ESR1: variants seen among roughly 807,000 people sequenced by gnomAD.
ESR1 encodes estrogen receptor 1.
Under a neutral mutation model 52.7 loss-of-function variants are expected in ESR1, and 12 were observed. The ratio of observed to expected loss-of-function variants is 0.23; its 90% confidence interval spans 0.15 to 0.37. The LOEUF (loss-of-function observed/expected upper bound fraction) is 0.37, where lower values mean the gene tolerates loss of function less well. Ranked by LOEUF, ESR1 falls within the 10% of genes least tolerant of loss-of-function variation. The pLI, the probability that ESR1 is intolerant of heterozygous loss-of-function variation, is 1.00. For missense variants in ESR1, 584 were observed against 779.7 expected (o/e 0.75, Z 2.99); for synonymous variants, 305 against 316.8 (o/e 0.96, Z 0.39).
intron 4 of ESR1, among the ~76,000 whole-genome samples, chr6:152,005,841 A>G (rs1249083411): frequency 6.6e-6 from 1 of 152,036 alleles, no homozygotes; most frequent in Non-Finnish European, 1.5e-5. Context: ...TGCCCTCCAG[A>G]TAATCAGAAA....
intron 2 of ESR1, among the ~76,000 whole-genome samples, chr6:151,858,413 C>T (rs551555918): frequency 7.9e-5 from 12 of 152,216 alleles, no homozygotes; most frequent in Admixed American, 2.6e-4. Flanking sequence ...TGATCTGTCA[C>T]TGATTGCAGT....
chr6:151,733,040 A>G (rs1782375092), intron 2 of ESR1, among the ~76,000 whole-genome samples: 1 of 152,200 alleles, frequency 6.6e-6, no homozygotes, highest in Non-Finnish European at 1.5e-5. Context: ...AAAAGCCCAG[A>G]TAACAGTAAC....
At chr6:151,673,575 T>C (rs1778152070) in intron 1 of ESR1, among the ~76,000 whole-genome samples, 2 of 152,146 alleles carry the variant, frequency 1.3e-5, no homozygotes, top group South Asian at 4.1e-4. Context: ...AGTTTATCAA[T>C]ATAATCTATA....
chr6:152,107,334 T>C (rs1478612996), downstream of ESR1, among the ~76,000 whole-genome samples: 2 of 152,200 alleles, frequency 1.3e-5, no homozygotes, highest in African/African-American at 4.8e-5. Context: ...TTTCTATTCA[T>C]TTATCTTCCA....
rs148828833 is a variant in ESR1, at chr6:151,698,901, C to T, written c.-201-2974C>T. On this transcript the variant is annotated intron_variant, in intron 1 of 2. Coordinates refer to the ESR1 transcript ENST00000404742. ...TGTCCGTTTGACGGTCCTATTCCTC[C>T]GGATCACTCAATCTTCACAAATCAA... 1.8e-4 allele frequency among the ~76,000 whole-genome samples: 28 copies of T among 152,238 alleles called. No individual in the cohort carries two copies. In the East Asian group the frequency reaches 5.2e-3, roughly 28 times the overall value.
At chr6:151,702,136 CA>C (rs1357470500) in intron 2 of ESR1, 1 of 152,124 alleles carries the variant, frequency 6.6e-6, no homozygotes, top group African/African-American at 2.4e-5. Flanking sequence ...TGTGTATTGT[CA>C]GGGGCTTAGC....
At chr6:151,662,598 A>G (rs1301431336) in intron 1 of ESR1, among the ~76,000 whole-genome samples, 2 of 152,162 alleles carry the variant, frequency 1.3e-5, no homozygotes, top group Non-Finnish European at 2.9e-5. Flanking sequence ...TGCACCAGCA[A>G]ATCCACAGGG....
chr6:151,701,488 C>T (rs1166347033), intron 1 of ESR1, among the ~76,000 whole-genome samples: 2 of 141,494 alleles, frequency 1.4e-5, no homozygotes, highest in East Asian at 4.2e-4. Flanking sequence ...GAGACCGCAC[C>T]GTTGCACTCC....
intron 6 of ESR1, among the ~76,000 whole-genome samples, chr6:152,069,410 G>GT (rs1393038212): frequency 1.5e-5 from 2 of 136,208 alleles, no homozygotes; most frequent in East Asian, 4.8e-4. Flanking sequence ...AACTTGAGGG[G>GT]TTTTTTTTAG....
At chr6:151,978,078 T>G (rs555478996) in intron 4 of ESR1, among the ~76,000 whole-genome samples, 1 of 151,832 alleles carries the variant, frequency 6.6e-6, no homozygotes, top group Admixed American at 6.6e-5. Context: ...TTGATTTAAA[T>G]ACATTATACA....
At chr6:152,030,141 G>T (rs1370698473) in intron 5 of ESR1, among the ~76,000 whole-genome samples, 1 of 152,124 alleles carries the variant, frequency 6.6e-6, no homozygotes, top group South Asian at 2.1e-4. Context: ...CCTGAAGGAA[G>T]CACTAAACAC....
intron 2 of ESR1, among the ~76,000 whole-genome samples, chr6:151,760,812 G>T (rs1055837210): frequency 6.6e-6 from 1 of 152,206 alleles, no homozygotes; most frequent in African/African-American, 2.4e-5. Context: ...TTGGTAAAGT[G>T]CTACAGAAAT....
At chr6:152,032,531 T>C (rs1041161346) in intron 5 of ESR1, among the ~76,000 whole-genome samples, 4 of 152,194 alleles carry the variant, frequency 2.6e-5, no homozygotes, top group East Asian at 1.9e-4. Flanking sequence ...TGAGTGAACT[T>C]CCATTCACAA....
chr6:151,672,862 T>C (rs1306773766), intron 1 of ESR1, among the ~76,000 whole-genome samples: 2 of 145,548 alleles, frequency 1.4e-5, no homozygotes, highest in East Asian at 4.1e-4. Context: ...GGAGTCTCAC[T>C]CTGTCACCCA....
At chr6:151,843,222 ATTCTGT>A (rs1276017535) in intron 2 of ESR1, among the ~76,000 whole-genome samples, 1 of 152,140 alleles carries the variant, frequency 6.6e-6, no homozygotes, top group African/African-American at 2.4e-5. Flanking sequence ...CCAGGCAAAT[ATTCTGT>A]TTTGTTCTAG....
At chr6:151,669,533 G>T (rs1777975716) in intron 1 of ESR1, among the ~76,000 whole-genome samples, 1 of 152,150 alleles carries the variant, frequency 6.6e-6, no homozygotes, top group South Asian at 2.1e-4. Context: ...CCGAACCAAG[G>T]GTGAAGGGCA....
At chr6:151,701,673 G>A (rs755219502) in intron 1 of ESR1, among the ~76,000 whole-genome samples, 2 of 152,106 alleles carry the variant, frequency 1.3e-5, no homozygotes, top group East Asian at 3.8e-4. Flanking sequence ...GCCCTACTCA[G>A]CTTTGTAAAA....
intron 2 of ESR1, among the ~76,000 whole-genome samples, chr6:151,790,253 G>A (rs62442035): frequency 0.016 from 2,498 of 152,254 alleles, 29 homozygotes; most frequent in Non-Finnish European, 0.024. Context: ...ATTTTCCTCC[G>A]CAAACTTTGG....
intron 2 of ESR1, among the ~76,000 whole-genome samples, chr6:151,716,461 A>G (rs546266453): frequency 6.6e-6 from 1 of 152,176 alleles, no homozygotes; most frequent in African/African-American, 2.4e-5. Flanking sequence ...GCTCTGTCCC[A>G]GGGAGATGGG....
Sources: gnomAD v4.1 joint callset for allele counts (sites outside exome capture counted in the v4.1 genomes callset) on GRCh38, gnomAD v4.1.1 for gene constraint, MANE v1.5 for transcripts, NCBI Gene and HGNC (gene_info 2026-07-23, HGNC 2026-07-21) for gene names.